NRXN1: variants seen among roughly 807,000 people sequenced by gnomAD.
NRXN1 encodes the protein neurexin 1.
In NRXN1, 39 loss-of-function variants were observed where a neutral mutation model predicts 150.9. That is an observed-to-expected ratio of 0.26 (90% CI 0.20 to 0.34). The LOEUF is 0.34. NRXN1 is among the 10% of genes least tolerant of loss of function. The pLI is 1.00. For missense variants in NRXN1, 1,815 were observed against 1,949.9 expected, an observed-to-expected ratio of 0.93 and a Z score of 1.30; for synonymous variants, 924 against 757.0, an observed-to-expected ratio of 1.22 and a Z score of -3.62.
chr2:50,029,630 C>T (rs1415460490), intron 21 of NRXN1, among the ~76,000 whole-genome samples: 1 of 152,088 alleles, frequency 6.6e-6, no homozygotes, highest in Non-Finnish European at 1.5e-5. Context: ...AAAGAGGTCT[C>T]GAAATGAAAC....
rs76063518 is a variant in NRXN1, at chr2:50,406,057, C to T, written c.3364+59385G>A. 8.1e-3 allele frequency among the ~76,000 whole-genome samples: 1,233 copies of T among 152,154 alleles called. 38 individuals are homozygous for T. In the East Asian group the frequency reaches 0.11, roughly 14 times the overall value. On this transcript the variant is annotated intron_variant, in intron 17 of 22. Coordinates refer to ENST00000401669, the MANE Select transcript of NRXN1 (RefSeq NM_001330078.2). Reference sequence around the variant, plus strand: ...TCAAGATTAAGTTTAGGTAGTTGAGCTCCAGAGCTTACAGTTTTTCATGTT... The same window carrying T: ...TCAAGATTAAGTTTAGGTAGTTGAGTTCCAGAGCTTACAGTTTTTCATGTT...
Position 50,483,008 on chromosome 2 carries a change from G to A in NRXN1, c.3071-10537C>T, listed in dbSNP as rs6712249. ...AGTGGTTGCAGTGAGCCAAGATCGC[G>A]CCCATGCACTCCAGCCTGGGCGACA... On this transcript the variant is annotated intron_variant, in intron 15 of 22. Coordinates refer to ENST00000401669, the MANE Select transcript of NRXN1 (RefSeq NM_001330078.2). Among the ~76,000 whole-genome samples, 1,099 of 130,474 alleles carry A rather than the reference G, an allele frequency of 8.4e-3. 10 individuals are homozygous for A. The highest frequency in any genetic ancestry group is 0.029 in the African/African-American group (1,011 of 34,844). The allele number at this position is 130,474 out of a possible 152,430, so 85.6% of individuals were successfully genotyped here.
chr2:51,000,989 C>G (rs535351848), intron 2 of NRXN1, among the ~76,000 whole-genome samples: 1 of 151,968 alleles, frequency 6.6e-6, no homozygotes, highest in South Asian at 2.1e-4. Context: ...GCATAAAGCG[C>G]TGGAGTTGAG....
In NRXN1 at chr2:50,428,280, T is replaced by C. The variant is rs148295670; in HGVS notation, c.3364+37162A>G. ...AAATAAAACATTTAGCTGGGCATAG[T>C]GGCACACACCTGTGGTCTCAGCTAC... On this transcript the variant is annotated intron_variant, in intron 17 of 22. Coordinates refer to ENST00000401669, the MANE Select transcript of NRXN1 (RefSeq NM_001330078.2). Among the ~76,000 whole-genome samples, 478 of 152,198 alleles carry C rather than the reference T, an allele frequency of 3.1e-3. 1 individual carries two copies. The highest frequency in any genetic ancestry group is 0.011 in the African/African-American group (442 of 41,512).
intron 17 of NRXN1, among the ~76,000 whole-genome samples, chr2:50,421,497 T>C (rs2083996448): frequency 6.6e-6 from 1 of 152,252 alleles, no homozygotes; most frequent in African/African-American, 2.4e-5. Flanking sequence ...TAGTTACCAT[T>C]CTATTATTTA....
At chr2:50,551,957 T>C (rs570496958) in intron 9 of NRXN1, among the ~76,000 whole-genome samples, 103 of 152,254 alleles carry the variant, frequency 6.8e-4, no homozygotes, top group Non-Finnish European at 1.3e-3. Flanking sequence ...GGAGAAACTT[T>C]ACCTGCCACC....
At chr2:51,015,812 A>T (rs747661936) in intron 2 of NRXN1, among the ~76,000 whole-genome samples, 2 of 152,016 alleles carry the variant, frequency 1.3e-5, no homozygotes, top group African/African-American at 2.4e-5. Context: ...ATATGTAATG[A>T]TATTAACTGA....
intron 5 of NRXN1, among the ~76,000 whole-genome samples, chr2:50,663,982 G>A (rs1687658772): frequency 6.6e-6 from 1 of 151,884 alleles, no homozygotes. Context: ...TAGGAAAATT[G>A]TTACTTAAAT....
chr2:50,591,741 A>G (rs955616562), intron 8 of NRXN1, among the ~76,000 whole-genome samples: 2 of 152,186 alleles, frequency 1.3e-5, no homozygotes, highest in African/African-American at 4.8e-5. Flanking sequence ...GGGACAGCAC[A>G]TGGTTCTCTT....
At chr2:50,377,726 C>T (rs569382545) in intron 17 of NRXN1, among the ~76,000 whole-genome samples, 10 of 152,038 alleles carry the variant, frequency 6.6e-5, no homozygotes, top group Non-Finnish European at 1.0e-4. Flanking sequence ...ACTGTCACTA[C>T]GTACTTATGA....
At chr2:50,155,657 T>G (rs2058974322) in intron 18 of NRXN1, among the ~76,000 whole-genome samples, 1 of 151,626 alleles carries the variant, frequency 6.6e-6, no homozygotes, top group Non-Finnish European at 1.5e-5. Flanking sequence ...TTTATTTTAA[T>G]AAATACATGA....
At chr2:50,162,391 T>C (rs1221281806) in intron 18 of NRXN1, among the ~76,000 whole-genome samples, 3 of 152,118 alleles carry the variant, frequency 2.0e-5, no homozygotes, top group Admixed American at 1.3e-4. Context: ...CTATAAACAT[T>C]GTCAGGGTAA....
chr2:50,619,081 C>G (rs1679525308), intron 8 of NRXN1: 1 of 152,050 alleles, frequency 6.6e-6, no homozygotes, highest in Non-Finnish European at 1.5e-5. Context: ...TTGTTTTTCC[C>G]TAATGCTTAA....
At chr2:50,629,769 A>C (rs1573878321) in intron 5 of NRXN1, among the ~76,000 whole-genome samples, 1 of 151,826 alleles carries the variant, frequency 6.6e-6, no homozygotes, top group South Asian at 2.1e-4. Context: ...AATAGTAATA[A>C]TTTCAATTGT....
At chr2:50,091,588 T>C (rs1699586139) in intron 18 of NRXN1, 94 bp from the exon 19 acceptor site, 2 of 1,315,210 alleles carry the variant, frequency 1.5e-6, no homozygotes, top group African/African-American at 1.4e-5. Flanking sequence ...AAATGTGCTT[T>C]GGACAACAGC....
chr2:50,650,624 G>A (rs535352388), intron 5 of NRXN1, among the ~76,000 whole-genome samples: 32 of 152,106 alleles, frequency 2.1e-4, no homozygotes, highest in African/African-American at 7.5e-4. Flanking sequence ...AAGCAGAAAA[G>A]TAGGTGCTTT....
intron 21 of NRXN1, among the ~76,000 whole-genome samples, chr2:49,964,128 A>G (rs909301354): frequency 7.9e-5 from 12 of 152,224 alleles, no homozygotes; most frequent in African/African-American, 2.4e-4. Flanking sequence ...CAAATCTATC[A>G]TTTTAAGATT....
intron 5 of NRXN1, among the ~76,000 whole-genome samples, chr2:50,681,140 G>A (rs1022960007): frequency 1.3e-5 from 2 of 152,148 alleles, no homozygotes; most frequent in African/African-American, 4.8e-5. Context: ...ACTTAAGGTG[G>A]GGCAGATAAT....
intron 5 of NRXN1, among the ~76,000 whole-genome samples, chr2:50,829,271 G>C (rs960774095): frequency 2.0e-5 from 3 of 150,984 alleles, no homozygotes; most frequent in South Asian, 2.1e-4. Context: ...GGGAGAGGGA[G>C]AGGGAGAGGG....
Sources: gnomAD v4.1 joint callset for allele counts (sites outside exome capture counted in the v4.1 genomes callset) on GRCh38, gnomAD v4.1.1 for gene constraint, MANE v1.5 for transcripts, NCBI Gene and HGNC (gene_info 2026-07-23, HGNC 2026-07-21) for gene names.